EFCAB13: variants seen among roughly 807,000 people sequenced by gnomAD.
EFCAB13 encodes the protein EF-hand calcium binding domain 13.
A neutral mutation model predicts 110.2 loss-of-function variants in EFCAB13; 91 were observed. The ratio of observed to expected loss-of-function variants is 0.83; its 90% confidence interval spans 0.70 to 0.98. The LOEUF (loss-of-function observed/expected upper bound fraction) is 0.98, where lower values mean the gene tolerates loss of function less well. EFCAB13 is among the 50% of genes least tolerant of loss of function. The probability of loss-of-function intolerance (pLI) is 0.00; values close to 1 mark genes in which losing one functional copy is unlikely to be tolerated. For missense variants in EFCAB13, 968 were observed against 1,119.4 expected (o/e 0.86, Z 1.93); for synonymous variants, 323 against 369.9 (o/e 0.87, Z 1.45).
Position 47,344,217 on chromosome 17 carries a change from C to G in EFCAB13, c.359C>G (p.Ser120Cys), listed in dbSNP as rs2065402041. ...GAGAAGGTGACAAGGAAAGAAAACTCTTTATGCAAGTTGCCGAATCAGTAC... is the reference window on the plus strand; with the variant it reads ...GAGAAGGTGACAAGGAAAGAAAACTGTTTATGCAAGTTGCCGAATCAGTAC... The part of the protein sequence containing the change: ...SKEKVTRKEN[S>C]LCKLPNQYSV... The change falls in exon 7 of 25, where the codon TCT becomes TGT. Residue 120 changes from serine to cysteine, a missense_variant. Ser to Cys is a moderately radical substitution (Grantham distance 112, BLOSUM62 -1). Transcript: ENST00000331493. 6.2e-7 allele frequency: 1 copy of G among 1,613,236 alleles called. No individual in the cohort carries two copies. Among genetic ancestry groups the G allele is most frequent in the Non-Finnish European group, 8.5e-7 (1 of 1,179,408 alleles).
chr17:47,375,865 C>T (rs2065612501), intron 12 of EFCAB13, among the ~76,000 whole-genome samples: 2 of 152,012 alleles, frequency 1.3e-5, no homozygotes. Context: ...ATTCATAGTA[C>T]TTCAGGTATT....
At chr17:47,339,392 T>G (rs1418612728) in intron 5 of EFCAB13, among the ~76,000 whole-genome samples, 1 of 152,130 alleles carries the variant, frequency 6.6e-6, no homozygotes, top group Non-Finnish European at 1.5e-5. Flanking sequence ...TGGATGAAAC[T>G]GTTCCACCTC....
intron 21 of EFCAB13, among the ~76,000 whole-genome samples, chr17:47,412,140 T>C (rs1429314994): frequency 6.6e-6 from 1 of 152,094 alleles, no homozygotes; most frequent in Non-Finnish European, 1.5e-5. Context: ...AAAAAGCACA[T>C]AATGATTATG....
intron 9 of EFCAB13, among the ~76,000 whole-genome samples, chr17:47,349,672 GT>G (rs1031587688): frequency 6.7e-6 from 1 of 148,426 alleles, no homozygotes; most frequent in Non-Finnish European, 1.5e-5. Context: ...TGCTGATGGA[GT>G]TTTTTTCACT....
intron 5 of EFCAB13, among the ~76,000 whole-genome samples, chr17:47,336,995 T>C (rs1347152235): frequency 6.6e-6 from 1 of 152,348 alleles, no homozygotes; most frequent in Admixed American, 6.5e-5. Context: ...CACATTGTGA[T>C]TGGAGAGGCA....
chr17:47,375,302 A>AT (rs2065608688), intron 12 of EFCAB13, among the ~76,000 whole-genome samples: 1 of 152,020 alleles, frequency 6.6e-6, no homozygotes, highest in South Asian at 2.1e-4. Context: ...TCTATTTTTT[A>AT]TTTTTTGAGT....
In EFCAB13 at chr17:47,440,431, A is replaced by G; in HGVS notation, c.2639A>G (p.Glu880Gly). ...AAGTAAATTATGCTTTGCCTTACAG[A>G]AAGTGGCAAGGTTAGCATTCAAGAA... ...TVMLRHVPEH[E>G]SGKVSIQEFM... Residue 880 changes from glutamate (E) to glycine (G), a missense_variant and splice_region_variant, in exon 25 of 25, where the codon GAA becomes GGA. Coordinates refer to ENST00000331493, the MANE Select transcript of EFCAB13 (RefSeq NM_152347.5). The G allele has an allele frequency of 6.4e-7, 1 of 1,572,312 alleles. No homozygotes were observed.
At chr17:47,385,297 G>C (rs1414990616) in intron 14 of EFCAB13, among the ~76,000 whole-genome samples, 7 of 151,926 alleles carry the variant, frequency 4.6e-5, no homozygotes, top group Admixed American at 4.6e-4. Context: ...TCGTAGGTTT[G>C]GTCTTTTCAC....
chr17:47,391,653 GA>G, intron 15 of EFCAB13, 73 bp downstream of exon 15: 1 of 1,317,994 alleles, frequency 7.6e-7, no homozygotes, highest in Non-Finnish European at 1.0e-6. Context: ...TTTTTTCTTA[GA>G]AAAATGACTA....
chr17:47,361,622 T>C, intron 10 of EFCAB13, 101 bp downstream of exon 10: 1 of 976,326 alleles, frequency 1.0e-6, no homozygotes, highest in Non-Finnish European at 1.5e-6. Flanking sequence ...TTGCTTCTCC[T>C]TTTTTCTCTT....
intron 4 of EFCAB13, among the ~76,000 whole-genome samples, chr17:47,332,492 C>T (rs2065324977): frequency 6.6e-6 from 1 of 152,020 alleles, no homozygotes; most frequent in South Asian, 2.1e-4. Context: ...ATCACTAAAA[C>T]TTGTTCCTCC....
intron 14 of EFCAB13, among the ~76,000 whole-genome samples, chr17:47,380,783 G>A (rs2065642929): frequency 6.6e-6 from 1 of 152,024 alleles, no homozygotes; most frequent in Non-Finnish European, 1.5e-5. Flanking sequence ...TAACTGGCAT[G>A]AGATGGTATC....
At chr17:47,400,158 T>G (rs574575354) in intron 17 of EFCAB13, among the ~76,000 whole-genome samples, 1 of 152,376 alleles carries the variant, frequency 6.6e-6, no homozygotes, top group South Asian at 2.1e-4. Flanking sequence ...GCTTAATAAC[T>G]TTGTTTTCTT....
chr17:47,351,311 G>GTGTGTGTGTA (rs1728587201), intron 9 of EFCAB13, among the ~76,000 whole-genome samples: 3 of 111,444 alleles, frequency 2.7e-5, no homozygotes, highest in African/African-American at 9.5e-5. Flanking sequence ...GTGTGCGCGC[G>GTGTGTGTGTA]CGCGCGCGCG....
intron 20 of EFCAB13, 37 bp downstream of exon 20, chr17:47,404,670 A>G: frequency 2.0e-6 from 3 of 1,483,000 alleles, no homozygotes; most frequent in Non-Finnish European, 2.8e-6. Context: ...GAAGGCAATG[A>G]TACAGAACTT....
chr17:47,365,149 CTG>C (rs1156858889), intron 10 of EFCAB13, among the ~76,000 whole-genome samples: 2 of 152,194 alleles, frequency 1.3e-5, no homozygotes, highest in East Asian at 3.8e-4. Flanking sequence ...TCAAATAAGA[CTG>C]AGCATCAGGT....
chr17:47,422,850 A>G (rs1360644899), intron 23 of EFCAB13, among the ~76,000 whole-genome samples: 1 of 152,214 alleles, frequency 6.6e-6, no homozygotes, highest in African/African-American at 2.4e-5. Context: ...TCAAAAGTCT[A>G]GCATAATTTT....
intron 5 of EFCAB13, among the ~76,000 whole-genome samples, chr17:47,338,959 G>C (rs2065367908): frequency 6.6e-6 from 1 of 151,372 alleles, no homozygotes; most frequent in Non-Finnish European, 1.5e-5. Flanking sequence ...ATAAATTTAA[G>C]AAACAATAAA....
chr17:47,386,388 G>C (rs926266711), intron 14 of EFCAB13, among the ~76,000 whole-genome samples: 1 of 152,144 alleles, frequency 6.6e-6, no homozygotes, highest in African/African-American at 2.4e-5. Flanking sequence ...CAGCCACTTT[G>C]CCACACTGTG....
Sources: gnomAD v4.1 joint callset for allele counts (sites outside exome capture counted in the v4.1 genomes callset) on GRCh38, gnomAD v4.1.1 for gene constraint, MANE v1.5 for transcripts, NCBI Gene and HGNC (gene_info 2026-07-23, HGNC 2026-07-21) for gene names.